The following ULK4 variants were observed in gnomAD, a reference collection of about 807,000 sequenced individuals.
The protein encoded by ULK4 is inactive serine/threonine-protein kinase ULK4.
ULK4 carries 133 observed loss-of-function variants against 160.6 expected under a neutral mutation model. The observed-to-expected ratio is 0.83, with a 90% CI of 0.72 to 0.96. The LOEUF is 0.96. Ranked by LOEUF, ULK4 falls within the 40% of genes least tolerant of loss-of-function variation. The pLI, the probability that ULK4 is intolerant of heterozygous loss-of-function variation, is 0.00. For synonymous variants in ULK4, 534 were observed against 539.8 expected, an observed-to-expected ratio of 0.99 and a Z score of 0.15; for missense variants, 1,580 against 1,499.5, an observed-to-expected ratio of 1.05 and a Z score of -0.89.
At chr3:41,462,439 G>T (rs1162338743) in intron 33 of ULK4, among the ~76,000 whole-genome samples, 3 of 152,160 alleles carry the variant, frequency 2.0e-5, no homozygotes, top group Non-Finnish European at 4.4e-5. Context: ...GTTAGACAGA[G>T]CATTAAATAA....
intron 7 of ULK4, among the ~76,000 whole-genome samples, chr3:41,916,760 T>G (rs187683194): frequency 1.4e-5 from 2 of 145,192 alleles, no homozygotes; most frequent in East Asian, 4.1e-4. Flanking sequence ...CAGGCTGGAG[T>G]GCAATGGAGC....
chr3:41,598,713 G>A (rs958371942), intron 31 of ULK4, among the ~76,000 whole-genome samples: 3 of 150,224 alleles, frequency 2.0e-5, no homozygotes, highest in Admixed American at 6.6e-5. Context: ...AATCTCAGTC[G>A]CTGCTTCTAC....
intron 22 of ULK4, among the ~76,000 whole-genome samples, chr3:41,720,525 A>G (rs941121861): frequency 6.6e-6 from 1 of 152,180 alleles, no homozygotes; most frequent in African/African-American, 2.4e-5. Context: ...ATATATGTAC[A>G]CACACACATG....
chr3:41,639,461 C>T (rs1365988544), intron 30 of ULK4, among the ~76,000 whole-genome samples: 1 of 152,166 alleles, frequency 6.6e-6, no homozygotes, highest in Admixed American at 6.5e-5. Flanking sequence ...TGGTGGCTCA[C>T]ACCTGTAAGT....
chr3:41,330,091 T>C (rs2080412662), intron 35 of ULK4, among the ~76,000 whole-genome samples: 1 of 152,218 alleles, frequency 6.6e-6, no homozygotes, highest in African/African-American at 2.4e-5. Flanking sequence ...ACAATCCTGC[T>C]GTCGCTGAGC....
At chr3:41,437,441 C>T (rs1382964411) in intron 34 of ULK4, among the ~76,000 whole-genome samples, 9 of 152,196 alleles carry the variant, frequency 5.9e-5, no homozygotes, top group African/African-American at 2.2e-4. Context: ...ATATTTCTCT[C>T]CACCTCATAG....
intron 32 of ULK4, among the ~76,000 whole-genome samples, chr3:41,484,773 C>T (rs2084464014): frequency 6.6e-6 from 1 of 152,044 alleles, no homozygotes; most frequent in Non-Finnish European, 1.5e-5. Flanking sequence ...TTTACGCAGG[C>T]TTAATTTCCT....
chr3:41,405,197 T>C (rs529459604), intron 34 of ULK4, among the ~76,000 whole-genome samples: 1 of 152,270 alleles, frequency 6.6e-6, no homozygotes, highest in African/African-American at 2.4e-5. Flanking sequence ...TACCCAGTGT[T>C]TAGCTCCCAT....
chr3:41,834,284 A>G (rs1367010079), intron 18 of ULK4, among the ~76,000 whole-genome samples: 2 of 152,108 alleles, frequency 1.3e-5, no homozygotes, highest in Admixed American at 1.3e-4. Context: ...ATTTTTTTAT[A>G]TATTAATATA....
chr3:41,670,239 T>G (rs1352654838), intron 29 of ULK4, among the ~76,000 whole-genome samples: 1 of 152,194 alleles, frequency 6.6e-6, no homozygotes, highest in Non-Finnish European at 1.5e-5. Flanking sequence ...TTTGAGAAGG[T>G]TAAAGACATT....
chr3:41,436,009 G>C (rs937213586), intron 34 of ULK4, among the ~76,000 whole-genome samples: 2 of 152,070 alleles, frequency 1.3e-5, no homozygotes, highest in African/African-American at 4.8e-5. Flanking sequence ...CCCAACTTAC[G>C]ATGATTTTAC....
chr3:41,858,122 G>C (rs1443367427), intron 17 of ULK4, among the ~76,000 whole-genome samples: 2 of 131,962 alleles, frequency 1.5e-5, no homozygotes, highest in South Asian at 2.5e-4. Flanking sequence ...TGCTTTTACT[G>C]TATCCCATAG....
intron 32 of ULK4, among the ~76,000 whole-genome samples, chr3:41,493,782 C>A (rs1314220039): frequency 2.0e-5 from 3 of 148,300 alleles, no homozygotes; most frequent in East Asian, 1.9e-4. Flanking sequence ...AAACTACCAT[C>A]AGAGAATACT....
intron 35 of ULK4, among the ~76,000 whole-genome samples, chr3:41,305,002 G>A (rs2079877254): frequency 6.6e-6 from 1 of 152,186 alleles, no homozygotes; most frequent in Non-Finnish European, 1.5e-5. Flanking sequence ...ATATAGAGAA[G>A]GGTGCACACA....
intron 12 of ULK4, 97 bp from the exon 13 acceptor site, chr3:41,900,926 A>G (rs764184967): frequency 6.7e-6 from 5 of 746,654 alleles, no homozygotes; most frequent in Non-Finnish European, 8.9e-6. Flanking sequence ...CCACTGTAAA[A>G]TATCACCTAT....
intron 19 of ULK4, among the ~76,000 whole-genome samples, chr3:41,813,870 T>C (rs1253048521): frequency 1.1e-4 from 17 of 152,250 alleles, no homozygotes; most frequent in Admixed American, 1.1e-3. Context: ...ATGAATCTAA[T>C]ACTTCAAAGA....
chr3:41,562,975 G>A (rs2087650497), intron 32 of ULK4, among the ~76,000 whole-genome samples: 1 of 152,108 alleles, frequency 6.6e-6, no homozygotes, highest in African/African-American at 2.4e-5. Context: ...TTGCAATTTG[G>A]CATGTTTTTG....
intron 32 of ULK4, among the ~76,000 whole-genome samples, chr3:41,521,859 CA>C (rs2085941614): frequency 6.6e-6 from 1 of 152,164 alleles, no homozygotes; most frequent in African/African-American, 2.4e-5. Context: ...ACTCTAGATT[CA>C]AATGCAGCTA....
At chr3:41,848,636 G>A (rs1392168862) in intron 17 of ULK4, among the ~76,000 whole-genome samples, 1 of 152,146 alleles carries the variant, frequency 6.6e-6, no homozygotes, top group Non-Finnish European at 1.5e-5. Flanking sequence ...TCTGAATCTG[G>A]ACATAGAGTG....
Sources: gnomAD v4.1 joint callset for allele counts (sites outside exome capture counted in the v4.1 genomes callset) on GRCh38, gnomAD v4.1.1 for gene constraint, MANE v1.5 for transcripts, NCBI Gene and HGNC (gene_info 2026-07-23, HGNC 2026-07-21) for gene names.